Variants in DOCK9 observed in about 807,000 individuals in gnomAD.
The protein encoded by DOCK9 is dedicator of cytokinesis protein 9.
DOCK9 carries 89 observed loss-of-function variants against 263.3 expected under a neutral mutation model. The observed-to-expected ratio is 0.34, with a 90% CI of 0.28 to 0.40. DOCK9 has a LOEUF of 0.40. Ranked by LOEUF, DOCK9 falls within the 10% of genes least tolerant of loss-of-function variation. DOCK9 has a pLI of 1.00. For synonymous variants in DOCK9, 976 were observed against 973.1 expected (o/e 1.00, Z -0.06); for missense variants, 2,140 against 2,603.4 (o/e 0.82, Z 3.87).
intron 1 of DOCK9, among the ~76,000 whole-genome samples, chr13:99,021,246 T>C (rs1886057381): frequency 6.6e-6 from 1 of 152,232 alleles, no homozygotes; most frequent in South Asian, 2.1e-4. Flanking sequence ...GTAGGGTAAT[T>C]CTTCTAAAAA....
intron 2 of DOCK9, among the ~76,000 whole-genome samples, chr13:98,953,735 A>T (rs72651846): frequency 7.2e-4 from 109 of 152,386 alleles, no homozygotes; most frequent in Non-Finnish European, 1.2e-3. Context: ...GGCAAAAGGC[A>T]TCATTCAGAG....
chr13:98,851,464 G>A (rs1196987101), intron 35 of DOCK9, among the ~76,000 whole-genome samples: 1 of 152,166 alleles, frequency 6.6e-6, no homozygotes, highest in Admixed American at 6.5e-5. Flanking sequence ...CCACCCTGCA[G>A]ACCCCTGTGG....
At chr13:99,038,288 C>CTTTTTTTTTTTTTTT (rs71419743) in intron 1 of DOCK9, among the ~76,000 whole-genome samples, 3 of 86,264 alleles carry the variant, frequency 3.5e-5, no homozygotes, top group African/African-American at 4.6e-5. Context: ...TTATGCCCCC[C>CTTTTTTTTTTTTTTT]TTTTTTTTTT....
upstream of DOCK9, among the ~76,000 whole-genome samples, chr13:98,980,856 G>A (rs570473338): frequency 6.6e-6 from 1 of 152,162 alleles, no homozygotes; most frequent in East Asian, 1.9e-4. Flanking sequence ...CATGTCATGA[G>A]CCAGGCCTTC....
At chr13:98,919,655 C>T (rs2051560864) in intron 7 of DOCK9, among the ~76,000 whole-genome samples, 2 of 152,170 alleles carry the variant, frequency 1.3e-5, no homozygotes, top group South Asian at 2.1e-4. Flanking sequence ...TCATCAACCA[C>T]AGAGCCTTCT....
intron 1 of DOCK9, among the ~76,000 whole-genome samples, chr13:98,989,718 C>T (rs922654534): frequency 2.0e-5 from 3 of 152,134 alleles, no homozygotes; most frequent in African/African-American, 7.2e-5. Flanking sequence ...GAACACACAC[C>T]TTAGCCTTAT....
intron 1 of DOCK9, among the ~76,000 whole-genome samples, chr13:98,989,104 C>T (rs1263171573): frequency 6.6e-6 from 1 of 152,120 alleles, no homozygotes; most frequent in African/African-American, 2.4e-5. Flanking sequence ...CTGCAATGTT[C>T]GCCCACCTCT....
intron 1 of DOCK9, among the ~76,000 whole-genome samples, chr13:98,975,472 T>TACACACACATAC (rs1555436476): frequency 1.4e-5 from 2 of 142,414 alleles, no homozygotes; most frequent in Non-Finnish European, 3.1e-5. Context: ...TCTAAACACA[T>TACACACACATAC]ACACACACAC....
intron 18 of DOCK9, among the ~76,000 whole-genome samples, chr13:98,887,141 A>ATTTTTTTTTTTTTTTTTTTTTTTTTT (rs1335567169): frequency 8.4e-5 from 5 of 59,616 alleles, no homozygotes; most frequent in East Asian, 5.8e-4. Flanking sequence ...ATATATATAT[A>ATTTTTTTTTTTTTTTTTTTTTTTTTT]TATTTTTTTT....
At chr13:98,947,152 T>C (rs765730616) in intron 2 of DOCK9, among the ~76,000 whole-genome samples, 31 of 152,180 alleles carry the variant, frequency 2.0e-4, no homozygotes, top group Non-Finnish European at 3.7e-4. Context: ...TAGATTCCCA[T>C]GGGACTAGAT....
intron 34 of DOCK9, among the ~76,000 whole-genome samples, chr13:98,854,214 G>T (rs1333847191): frequency 1.7e-5 from 2 of 115,158 alleles, no homozygotes; most frequent in Admixed American, 1.8e-4. Context: ...CTAGGCAGCA[G>T]GTTCTTGTGG....
At chr13:99,060,876 T>C (rs1447097726) in intron 1 of DOCK9, among the ~76,000 whole-genome samples, 3 of 152,216 alleles carry the variant, frequency 2.0e-5, no homozygotes. Context: ...CCTCAGGGTC[T>C]GGCAGAGTGG....
chr13:98,905,603 T>G (rs1318751649), intron 9 of DOCK9, among the ~76,000 whole-genome samples: 1 of 148,998 alleles, frequency 6.7e-6, no homozygotes, highest in East Asian at 2.0e-4. Context: ...AAAAAAAAAG[T>G]GAAAAGAAAT....
At chr13:99,037,186 A>G (rs1887979002) in intron 1 of DOCK9, among the ~76,000 whole-genome samples, 1 of 152,238 alleles carries the variant, frequency 6.6e-6, no homozygotes, top group Non-Finnish European at 1.5e-5. Context: ...AAATTATTCA[A>G]AAGAAACAAA....
chr13:98,933,345 A>AT (rs2054261439), intron 2 of DOCK9, among the ~76,000 whole-genome samples: 1 of 152,144 alleles, frequency 6.6e-6, no homozygotes, highest in Non-Finnish European at 1.5e-5. Context: ...TTATTCTCTT[A>AT]TATCAAAGTC....
chr13:98,866,262 G>A (rs2094020483), intron 30 of DOCK9, among the ~76,000 whole-genome samples: 1 of 152,128 alleles, frequency 6.6e-6, no homozygotes, highest in African/African-American at 2.4e-5. Flanking sequence ...GAATAGCCGG[G>A]GATTGTCATC....
intron 45 of DOCK9, 39 bp from the exon 46 acceptor site, chr13:98,810,330 T>C: frequency 1.2e-6 from 2 of 1,607,772 alleles, no homozygotes; most frequent in Admixed American, 1.7e-5. Flanking sequence ...AGAAGAGCGT[T>C]ATGGGGAACG....
upstream of DOCK9, among the ~76,000 whole-genome samples, chr13:98,983,022 T>C (rs1214796588): frequency 6.6e-6 from 1 of 152,208 alleles, no homozygotes; most frequent in Non-Finnish European, 1.5e-5. Flanking sequence ...GGAATAACAA[T>C]ACGAGGAATA....
chr13:98,904,814 G>C, intron 9 of DOCK9, 108 bp from the exon 10 acceptor site: 1 of 929,518 alleles, frequency 1.1e-6, no homozygotes, highest in Non-Finnish European at 1.6e-6. Flanking sequence ...CTGCTGGAAA[G>C]CTCTGCCTCG....
Sources: allele counts gnomAD v4.1 joint callset (sites outside exome capture counted in the v4.1 genomes callset), GRCh38; gene constraint gnomAD v4.1.1; transcripts MANE v1.5; gene names NCBI Gene and HGNC (gene_info 2026-07-23, HGNC 2026-07-21).